Variants in RECQL4 observed in about 807,000 individuals in gnomAD.
RECQL4 encodes the protein ATP-dependent DNA helicase Q4.
Under a neutral mutation model 128.6 loss-of-function variants are expected in RECQL4, and 158 were observed. The ratio of observed to expected loss-of-function variants is 1.23; its 90% CI spans 1.08 to 1.40. RECQL4 has a LOEUF of 1.40. Among genes scored for constraint, RECQL4 ranks in the 40% most tolerant of loss-of-function variants. The pLI is 0.00. For synonymous variants in RECQL4, 996 were observed against 678.9 expected, an observed-to-expected ratio of 1.47 and a Z score of -7.26; for missense variants, 2,293 against 1,649.8, an observed-to-expected ratio of 1.39 and a Z score of -6.75.
Position 144,516,610 on chromosome 8 carries a change from C to G in RECQL4, c.509G>C (p.Gly170Ala), listed in dbSNP as rs768956367. 1.2e-6 allele frequency: 2 copies of G among 1,610,830 alleles called. No homozygotes were observed. Among genetic ancestry groups the G allele is most frequent in the Non-Finnish European group, 1.7e-6 (2 of 1,178,998 alleles). Residue 170 changes from glycine to alanine, a missense_variant, in exon 5 of 21, where the codon GGC becomes GCC. Coordinates refer to ENST00000617875, the MANE Select transcript of RECQL4 (RefSeq NM_004260.4). ...PQLPEPQPRP[G>A]RLQHLQASLS... ...GGATGCCTGCAGATGCTGGAGCCGG[C>G]CTGGCCTTGGCTGGGGCTCAGGGAG...
At position 144,513,142 on chromosome 8, in the gene RECQL4, CA is replaced by C. The variant is rs1461062908; in HGVS notation, c.2464-5del. The C allele has an allele frequency of 6.5e-7, 1 of 1,542,698 alleles. No individual in the cohort carries two copies. Among genetic ancestry groups the C allele is most frequent in the Non-Finnish European group, 8.7e-7 (1 of 1,148,648 alleles). On this transcript the variant is annotated splice_polypyrimidine_tract_variant and splice_region_variant and intron_variant, in intron 14 of 20. Coordinates refer to ENST00000617875, the MANE Select transcript of RECQL4 (RefSeq NM_004260.4). ...GCAGCTCTCGCAGGTCTTCGCCCTG[CA>C]GGGCAACTTTCATGAGGGTGGGGTG...
chr8:144,517,338 G>GGCCGCGACTCCGTGGCT, intron 3 of RECQL4, 76 bp downstream of exon 3: 1 of 1,483,668 alleles, frequency 6.7e-7, no homozygotes, highest in South Asian at 1.3e-5. Flanking sequence ...ACGGCGGCCT[G>GGCCGCGACTCCGTGGCT]GCCGCGACTC....
Position 144,513,640 on chromosome 8 carries a change from C to T in RECQL4, c.2131G>A (p.Glu711Lys), listed in dbSNP as rs371818842. 1.6e-4 allele frequency: 257 copies of T among 1,588,558 alleles called. 1 individual carries two copies. In the East Asian group the frequency reaches 4.7e-3, roughly 29 times the overall value. ...AGCGCAGCGATCCGCTCTGTGTCCT[C>T]GCGCCGGTTGCAGTAAATGATAATG... ...DSIIIYCNRR[E>K]DTERIAALLR... The change falls in exon 13 of 21, where the codon GAG becomes AAG. Residue 711 changes from glutamate to lysine, a missense_variant. By Grantham distance (56) the Glu-to-Lys change is moderately conservative. Coordinates refer to ENST00000617875, the MANE Select transcript of RECQL4 (RefSeq NM_004260.4).
At position 144,514,969 on chromosome 8, in the gene RECQL4, G is replaced by A. The variant is rs767967343; in HGVS notation, c.1587C>T (p.Val529=). Residue 529 remains valine (V), a synonymous_variant, in exon 9 of 21, where the codon GTC becomes GTT. Coordinates refer to ENST00000617875, the MANE Select transcript of RECQL4 (RefSeq NM_004260.4). The part of the protein sequence containing the change: ...YSRRSPCLTL[V]VSPLLSLMDD... ...CCATGAGTGACAGCAGGGGAGAGAC[G>A]ACCAACGTGAGGCAGGGGCTGCGCC... 33 of 1,611,776 alleles carry A rather than the reference G, an allele frequency of 2.0e-5. No homozygotes were observed. Among genetic ancestry groups the A allele is most frequent in the African/African-American group, 6.7e-5 (5 of 74,902 alleles).
chr8:144,514,850 G>C, intron 9 of RECQL4, 86 bp downstream of exon 9: 1 of 1,505,722 alleles, frequency 6.6e-7, no homozygotes, highest in Non-Finnish European at 9.1e-7. Context: ...GGAGGGGGTG[G>C]TTAGGGGACA....
rs1000281324 is a variant in RECQL4 at position 144,513,003 on chromosome 8, C to A, written c.2599G>T (p.Ala867Ser). The change falls in exon 15 of 21, where the codon GCC (alanine) becomes TCC (serine). Residue 867 changes from alanine (A) to serine (S), a missense_variant. Ala to Ser is a moderately conservative substitution (Grantham distance 99). Transcript: ENST00000617875. ...GGCACAGGCCTCTCCCCACCCACGG[C>A]CCCTTCCTGCTCCGAGGGCGGCCTG... Reference protein sequence around the residue: ...CTRPPSEQEGAVGGERPVPKY... With the variant: ...CTRPPSEQEGSVGGERPVPKY... 6.4e-7 allele frequency: 1 copy of A among 1,570,476 alleles called. No homozygotes were observed. The highest frequency in any genetic ancestry group is 1.9e-5 in the Admixed American group (1 of 53,358).
At position 144,517,396 on chromosome 8, in the gene RECQL4, G is replaced by T. The variant is rs747922918; in HGVS notation, c.213+18C>A. 6.4e-7 allele frequency: 1 copy of T among 1,553,218 alleles called. No homozygotes were observed. Reference sequence around the variant, plus strand: ...AACAGGGAAGTGGGAGGAGGCTGGGGCGGCGGGGCCTGGGTACCTCTTCGG... The same window carrying T: ...AACAGGGAAGTGGGAGGAGGCTGGGTCGGCGGGGCCTGGGTACCTCTTCGG... On this transcript the variant is annotated intron_variant, in intron 3 of 20. Transcript: ENST00000617875.
rs377398995 is a variant in RECQL4 at position 144,514,297 on chromosome 8, G to C, written c.1770C>G (p.Leu590=). The C allele has an allele frequency of 9.3e-6, 15 of 1,610,910 alleles. No individual in the cohort carries two copies. In the South Asian group the frequency reaches 1.5e-4, roughly 17 times the overall value. The change falls in exon 11 of 21, where the codon CTC becomes CTG. Residue 590 remains leucine (L), a synonymous_variant. Transcript: ENST00000617875. ...TPEALVGAGG[L]PPAAQLPPVA... ...CTGGAGGCAGCTGTGCGGCTGGAGG[G>C]AGGCCTCCCGCCCCCACCAGTGCCT...
intron 7 of RECQL4, 30 bp from the exon 8 acceptor site, chr8:144,515,272 T>G: frequency 1.2e-6 from 2 of 1,608,878 alleles, no homozygotes; most frequent in East Asian, 4.5e-5. Context: ...TCACCATGAC[T>G]TGAGTCACCC....
rs1815230343 is a variant in RECQL4 at position 144,517,090 on chromosome 8, T to C, written c.314A>G (p.Tyr105Cys). 10 of 1,612,366 alleles carry C rather than the reference T, an allele frequency of 6.2e-6. No homozygotes were observed. The highest frequency in any genetic ancestry group is 7.6e-6 in the Non-Finnish European group (9 of 1,179,680). The change falls in exon 4 of 21, where the codon TAC (tyrosine) becomes TGC (cysteine). Residue 105 changes from tyrosine (Y) to cysteine (C), a missense_variant. By Grantham distance (194) the Tyr-to-Cys change is radical. Coordinates refer to ENST00000617875, the MANE Select transcript of RECQL4 (RefSeq NM_004260.4). ...CAGATTGGCCTTGAGCCGCTGCCCG[T>C]AGTCCGGCACCGAGCCCTGGCGGCT... ...GRSRQGSVPD[Y>C]GQRLKANLKG...
Position 144,511,397 on chromosome 8 carries a change from C to T in RECQL4, c.*34G>A, listed in dbSNP as rs780582140. 6.2e-7 allele frequency: 1 copy of T among 1,604,204 alleles called. No homozygotes were observed. The highest frequency in any genetic ancestry group is 1.7e-5 in the Admixed American group (1 of 59,902). On this transcript the variant is annotated 3_prime_UTR_variant, in exon 21 of 21. Transcript: ENST00000617875. Reference sequence around the variant, plus strand: ...GTCACTGCCCTAGCCTCTGACAACCCCAGCTCTACCCGACATCCCCCAATG... The same window carrying T: ...GTCACTGCCCTAGCCTCTGACAACCTCAGCTCTACCCGACATCCCCCAATG...
intron 9 of RECQL4, 143 bp downstream of exon 9, chr8:144,514,793 G>A (rs563615365): frequency 3.7e-6 from 4 of 1,090,348 alleles, no homozygotes; most frequent in Non-Finnish European, 4.0e-6. Flanking sequence ...CCTTTGACCT[G>A]CTGCCAAGAC....
chr8:144,513,791 C>CGTGGGTG, intron 12 of RECQL4, 79 bp from the exon 13 acceptor site: 1 of 417,878 alleles, frequency 2.4e-6, no homozygotes, highest in Non-Finnish European at 3.2e-6. Context: ...GAGGGGTCGG[C>CGTGGGTG]GTGGGGAGTG....
At position 144,514,241 on chromosome 8, in the gene RECQL4, C is replaced by T. The variant is rs939040910; in HGVS notation, c.1826G>A (p.Cys609Tyr). 9 of 1,612,206 alleles carry T rather than the reference C, an allele frequency of 5.6e-6. No individual in the cohort carries two copies. The African/African-American group carries it at 1.2e-4, about 22-fold the overall frequency. The change falls in exon 11 of 21, where the codon TGC (cysteine) becomes TAC (tyrosine). Residue 609 changes from cysteine (C) to tyrosine (Y), a missense_variant. Coordinates refer to ENST00000617875, the MANE Select transcript of RECQL4 (RefSeq NM_004260.4). ...GAAGTTGTGGGACCACTGGGAGAGG[C>T]AGTGGGCCTCATCAATGCAGGCAAA... ...VAFACIDEAHCLSQWSHNFRP... is the reference protein window; with the variant it reads ...VAFACIDEAHYLSQWSHNFRP...
At chr8:144,513,873 G>T in intron 12 of RECQL4, 55 bp downstream of exon 12, 1 of 1,523,568 alleles carries the variant, frequency 6.6e-7, no homozygotes, top group African/African-American at 1.4e-5. Context: ...GGAGGGGTCG[G>T]CGTGGGCAGT....
Position 144,512,050 on chromosome 8 carries a change from C to G in RECQL4, c.3254G>C (p.Cys1085Ser). The G allele has an allele frequency of 6.2e-7, 1 of 1,608,576 alleles. No homozygotes were observed. The part of the protein sequence containing the change: ...QAFHSVAFPS[C>S]GPCLEQQDEE... ...ATCCTGCTGCTCCAGGCAGGGCCCG[C>G]AGCTGGGGAAGGCTACGCTGTGGGG... Residue 1085 changes from cysteine to serine, a missense_variant, in exon 19 of 21, where the codon TGC (cysteine) becomes TCC (serine). By Grantham distance (112) the Cys-to-Ser change is moderately radical. Transcript: ENST00000617875.
At position 144,516,296 on chromosome 8, in the gene RECQL4, C is replaced by G. The variant is rs1814968941; in HGVS notation, c.823G>C (p.Val275Leu). 2 of 1,610,564 alleles carry G rather than the reference C, an allele frequency of 1.2e-6. No individual in the cohort carries two copies. Among genetic ancestry groups the G allele is most frequent in the Non-Finnish European group, 8.5e-7 (1 of 1,179,052 alleles). Residue 275 changes from valine to leucine, a missense_variant, in exon 5 of 21, where the codon GTC becomes CTC. By Grantham distance (32) the Val-to-Leu change is conservative. Coordinates refer to ENST00000617875, the MANE Select transcript of RECQL4 (RefSeq NM_004260.4). The part of the protein sequence containing the change: ...NEEPWESPAQ[V>L]QQESSQAGPP... ...CCAGCTTGGCTGCTCTCCTGCTGGA[C>G]CTGTGCGGGGCTCTCCCAGGGCTCC...
In RECQL4 at chr8:144,516,520, T is replaced by C. The variant is rs755687763; in HGVS notation, c.599A>G (p.Asp200Gly). The change falls in exon 5 of 21, where the codon GAT (aspartate) becomes GGT (glycine). Residue 200 changes from aspartate (D) to glycine (G), a missense_variant. Coordinates refer to ENST00000617875, the MANE Select transcript of RECQL4 (RefSeq NM_004260.4). Reference protein sequence around the residue: ...WLQRCHSEVPDFLGAPKACRP... With the variant: ...WLQRCHSEVPGFLGAPKACRP... Reference sequence around the variant, plus strand: ...GCAGGCTTTGGGGGCCCCCAGAAAATCTGGGACCTCACTGTGACATCGCTG... The same window carrying C: ...GCAGGCTTTGGGGGCCCCCAGAAAACCTGGGACCTCACTGTGACATCGCTG... 21 of 1,609,654 alleles carry C rather than the reference T, an allele frequency of 1.3e-5. No homozygotes were observed. The highest frequency in any genetic ancestry group is 1.4e-5 in the Non-Finnish European group (17 of 1,179,482).
In RECQL4 at chr8:144,513,139, C is replaced by T. The variant is rs398124117; in HGVS notation, c.2464-1G>A. On this transcript the variant is annotated splice_acceptor_variant, in intron 14 of 20. Transcript: ENST00000617875. LOFTEE classifies it high-confidence loss of function. ...TGCGCAGCTCTCGCAGGTCTTCGCCCTGCAGGGCAACTTTCATGAGGGTGG... is the reference window on the plus strand; with the variant it reads ...TGCGCAGCTCTCGCAGGTCTTCGCCTTGCAGGGCAACTTTCATGAGGGTGG... The T allele has an allele frequency of 1.3e-6, 2 of 1,558,904 alleles. No individual in the cohort carries two copies. The highest frequency in any genetic ancestry group is 1.7e-6 in the Non-Finnish European group (2 of 1,152,222).
Sources: allele counts gnomAD v4.1 joint callset, GRCh38; gene constraint gnomAD v4.1.1; transcripts MANE v1.5; gene names NCBI Gene and HGNC (gene_info 2026-07-23, HGNC 2026-07-21).